Variants in GDAP1 observed in about 807,000 individuals in gnomAD.
GDAP1 encodes the protein ganglioside-induced differentiation-associated protein 1.
A neutral mutation model predicts 40.1 loss-of-function variants in GDAP1; 34 were observed. That is an observed-to-expected ratio of 0.85 (90% CI 0.64 to 1.13). The LOEUF (loss-of-function observed/expected upper bound fraction) is 1.13, where lower values mean the gene tolerates loss of function less well. Ranked by LOEUF, GDAP1 falls within the 50% of genes most tolerant of loss-of-function variation. The pLI is 0.00. For missense variants in GDAP1, 374 were observed against 433.7 expected, an observed-to-expected ratio of 0.86 and a Z score of 1.22; for synonymous variants, 170 against 157.4, an observed-to-expected ratio of 1.08 and a Z score of -0.60.
intron 2 of GDAP1, among the ~76,000 whole-genome samples, chr8:74,417,688 CG>C (rs1805800836): frequency 7.7e-6 from 1 of 130,142 alleles, no homozygotes; most frequent in Admixed American, 8.9e-5. Flanking sequence ...ACCCAGGAGG[CG>C]GAGGTTGCAG....
intron 2 of GDAP1, among the ~76,000 whole-genome samples, chr8:74,410,881 A>G (rs1193161436): frequency 6.7e-6 from 1 of 150,228 alleles, no homozygotes; most frequent in African/African-American, 2.5e-5. Context: ...TACACATAGC[A>G]TATGATATGG....
chr8:74,431,571 T>C (rs1054571933), intron 2 of GDAP1, among the ~76,000 whole-genome samples: 19 of 152,110 alleles, frequency 1.2e-4, no homozygotes, highest in Admixed American at 6.6e-5. Context: ...AAGCTCCGCC[T>C]CCCGGGTTCA....
rs144111413 is a variant in GDAP1 at position 74,364,100 on chromosome 8, C to T, written c.810C>T (p.Asn270=). The stretch of plus-strand genomic sequence containing the variant: ...GGTTTGCAAGGAGAAACTGGGGAAA[C>T]GGAAAGCGACCAAACTTGGAAACCT... ...FLGFARRNWG[N]GKRPNLETYY... The change falls in exon 6 of 6, where the codon AAC becomes AAT. Residue 270 remains asparagine, a synonymous_variant. Coordinates refer to ENST00000220822, the MANE Select transcript of GDAP1 (RefSeq NM_018972.4). 2.4e-5 allele frequency: 38 copies of T among 1,613,976 alleles called. No individual in the cohort carries two copies. The highest frequency in any genetic ancestry group is 1.5e-4 in the African/African-American group (11 of 74,888).
intron 2 of GDAP1, among the ~76,000 whole-genome samples, chr8:74,482,123 G>C (rs1366692794): frequency 2.8e-5 from 4 of 143,834 alleles, no homozygotes; most frequent in East Asian, 4.2e-4. Context: ...TTTTTTTGGG[G>C]GGGGGGGGTC....
chr8:74,409,966 C>T (rs575176134), intron 2 of GDAP1, among the ~76,000 whole-genome samples: 12 of 150,188 alleles, frequency 8.0e-5, no homozygotes, highest in Admixed American at 5.2e-4. Context: ...CCTGGTAATA[C>T]TCATTGTCTC....
chr8:74,415,584 A>G (rs929673915), intron 2 of GDAP1, among the ~76,000 whole-genome samples: 1 of 150,148 alleles, frequency 6.7e-6, no homozygotes, highest in Non-Finnish European at 1.5e-5. Flanking sequence ...TCTGGGATAC[A>G]CACACCTACT....
intron 2 of GDAP1, among the ~76,000 whole-genome samples, chr8:74,400,696 G>T (rs1810313311): frequency 6.7e-6 from 1 of 149,874 alleles, no homozygotes; most frequent in South Asian, 2.1e-4. Flanking sequence ...GGTACCAGTT[G>T]TTCCTTTCCA....
chr8:74,383,872 A>T (rs895195166), intron 2 of GDAP1, among the ~76,000 whole-genome samples: 1 of 152,068 alleles, frequency 6.6e-6, no homozygotes, highest in Non-Finnish European at 1.5e-5. Context: ...AATATAACAG[A>T]TATTTTTTCC....
chr8:74,362,784 C>CTCTCT (rs1300148699), intron 4 of GDAP1, among the ~76,000 whole-genome samples, 155 bp from the exon 5 acceptor site: 3 of 60,454 alleles, frequency 5.0e-5, no homozygotes, highest in African/African-American at 1.3e-4. Flanking sequence ...CTCTCTCTCT[C>CTCTCT]TTTTTTTTTT....
intron 2 of GDAP1, among the ~76,000 whole-genome samples, chr8:74,415,373 C>T (rs1470524967): frequency 6.7e-6 from 1 of 150,076 alleles, no homozygotes; most frequent in East Asian, 1.9e-4. Flanking sequence ...GCATCGTTAG[C>T]ATGCCTCCCC....
At chr8:74,402,896 T>TTTGTTG (rs367960112) in intron 2 of GDAP1, among the ~76,000 whole-genome samples, 1 of 150,006 alleles carries the variant, frequency 6.7e-6, no homozygotes, top group East Asian at 1.9e-4. Context: ...TTCTTATTCT[T>TTTGTTG]TTGTTGTTGT....
At chr8:74,416,804 T>C (rs1329614020) in intron 2 of GDAP1, among the ~76,000 whole-genome samples, 2 of 149,792 alleles carry the variant, frequency 1.3e-5, no homozygotes. Context: ...CTCCTGCTCC[T>C]AGGGGGAAGG....
At chr8:74,408,303 T>A (rs1213165062) in intron 2 of GDAP1, among the ~76,000 whole-genome samples, 1 of 150,260 alleles carries the variant, frequency 6.7e-6, no homozygotes, top group Non-Finnish European at 1.5e-5. Flanking sequence ...GATTGTCAAG[T>A]TCTCCCAGGG....
chr8:74,478,372 G>T (rs1177913341), intron 2 of GDAP1, among the ~76,000 whole-genome samples: 1 of 152,120 alleles, frequency 6.6e-6, no homozygotes, highest in Non-Finnish European at 1.5e-5. Context: ...GTGGGAGGCT[G>T]CAGTACAGGG....
intron 2 of GDAP1, among the ~76,000 whole-genome samples, chr8:74,378,795 A>G (rs1033662682): frequency 1.1e-4 from 16 of 152,202 alleles, no homozygotes; most frequent in Non-Finnish European, 2.2e-4. Flanking sequence ...ACACATATGT[A>G]TATATTCCAA....
chr8:74,367,502 C>T (rs1364944762), downstream of GDAP1, among the ~76,000 whole-genome samples: 2 of 151,840 alleles, frequency 1.3e-5, no homozygotes. Context: ...ACCTGAATAT[C>T]TAACTTCGTA....
chr8:74,476,436 T>C (rs1203805400), intron 2 of GDAP1, among the ~76,000 whole-genome samples: 6 of 152,196 alleles, frequency 3.9e-5, no homozygotes, highest in Admixed American at 6.5e-5. Context: ...TTCCTATTCA[T>C]ATTTAGCACT....
intron 2 of GDAP1, among the ~76,000 whole-genome samples, chr8:74,398,097 T>A (rs1013346960): frequency 6.6e-6 from 1 of 151,900 alleles, no homozygotes; most frequent in Non-Finnish European, 1.5e-5. Context: ...GATTCCTAGG[T>A]ATTTTATTCT....
chr8:74,476,472 G>A (rs1188606195), intron 2 of GDAP1, among the ~76,000 whole-genome samples: 1 of 152,178 alleles, frequency 6.6e-6, no homozygotes, highest in African/African-American at 2.4e-5. Context: ...TGTAAGGCAG[G>A]TCTGGTGGTA....
Sources: allele counts gnomAD v4.1 joint callset (sites outside exome capture counted in the v4.1 genomes callset), GRCh38; gene constraint gnomAD v4.1.1; transcripts MANE v1.5; gene names NCBI Gene and HGNC (gene_info 2026-07-23, HGNC 2026-07-21).